Variants in SNX29 observed in about 807,000 individuals in gnomAD.
The protein encoded by SNX29 is sorting nexin 29.
A neutral mutation model predicts 102.1 loss-of-function variants in SNX29; 78 were observed. That is an observed-to-expected ratio of 0.76 (90% CI 0.64 to 0.92). The LOEUF is 0.92. SNX29 is among the 40% of genes least tolerant of loss of function. The pLI is 0.00. For synonymous variants in SNX29, 580 were observed against 414.5 expected (o/e 1.40, Z -4.85); for missense variants, 1,280 against 1,061.7 (o/e 1.21, Z -2.86).
intron 16 of SNX29, among the ~76,000 whole-genome samples, chr16:12,363,456 T>G (rs374631056): frequency 1.3e-5 from 2 of 152,156 alleles, no homozygotes; most frequent in Non-Finnish European, 2.9e-5. Flanking sequence ...CTGTCTACTT[T>G]AGGTGGAAAC....
intron 20 of SNX29, 61 bp from the exon 21 acceptor site, chr16:12,568,445 G>T: frequency 1.3e-6 from 2 of 1,594,888 alleles, no homozygotes; most frequent in Non-Finnish European, 1.7e-6. Context: ...TCCCCTTCCT[G>T]GCCTGTGGTC....
intron 16 of SNX29, among the ~76,000 whole-genome samples, chr16:12,397,168 C>T (rs542846104): frequency 6.6e-6 from 1 of 152,366 alleles, no homozygotes; most frequent in East Asian, 1.9e-4. Context: ...GCTGGAGTTA[C>T]AGGCATGAGC....
chr16:12,522,170 A>G (rs1265272114), intron 19 of SNX29, among the ~76,000 whole-genome samples: 1 of 152,204 alleles, frequency 6.6e-6, no homozygotes, highest in Non-Finnish European at 1.5e-5. Flanking sequence ...GTTCAGATAA[A>G]CCAATAATTT....
intron 5 of SNX29, among the ~76,000 whole-genome samples, chr16:12,043,332 A>G (rs2049961923): frequency 6.6e-6 from 1 of 151,646 alleles, no homozygotes; most frequent in Admixed American, 6.6e-5. Flanking sequence ...GTCTTAGGAC[A>G]TAGCTTCCTC....
In SNX29 at chr16:12,431,547, T is replaced by G. The variant is rs143339801; in HGVS notation, c.2037+28018T>G. ...GTCTAATGAAAAAAGTCAGCTCTGA[T>G]AGAACACATCAAAAAGTGAAATAAA... is the stretch of plus-strand genomic sequence containing the variant. On this transcript the variant is annotated intron_variant, in intron 18 of 20. Transcript: ENST00000566228. Among the ~76,000 whole-genome samples, 1,085 of 151,914 alleles carry G rather than the reference T, an allele frequency of 7.1e-3. 13 individuals carry two copies. The highest frequency in any genetic ancestry group is 0.025 in the African/African-American group (1,035 of 41,398).
chr16:12,529,427 T>TC (rs1379825697), intron 20 of SNX29, among the ~76,000 whole-genome samples: 4 of 152,192 alleles, frequency 2.6e-5, no homozygotes, highest in Non-Finnish European at 5.9e-5. Context: ...AGGCTCGGAC[T>TC]CCAAGAATTC....
At chr16:12,555,558 C>T (rs76067455) in intron 20 of SNX29, among the ~76,000 whole-genome samples, 3,268 of 150,766 alleles carry the variant, frequency 0.022, 256 homozygotes, top group East Asian at 0.17. Flanking sequence ...TGGGTTTGAG[C>T]ACCCTCATCT....
intron 20 of SNX29, among the ~76,000 whole-genome samples, chr16:12,544,630 C>T (rs376141946): frequency 1.5e-4 from 23 of 152,302 alleles, no homozygotes; most frequent in South Asian, 4.2e-4. Context: ...GCCTTGGGAT[C>T]GGCAGGTTCA....
chr16:12,028,741 T>A lies in SNX29; in HGVS notation c.247+1297T>A, dbSNP rs575199618. ...ATAATATTTGTACATATGTATGGGG[T>A]ACCTGTGATTTTTTATTTTTTATTG... On this transcript the variant is annotated intron_variant, in intron 4 of 20. Coordinates refer to ENST00000566228, the MANE Select transcript of SNX29 (RefSeq NM_032167.5). Among the ~76,000 whole-genome samples the A allele has an allele frequency of 9.2e-5, 14 of 152,160 alleles. No homozygotes were observed. The South Asian group carries it at 2.9e-3, about 32-fold the overall frequency.
At chr16:12,038,964 CT>C (rs1318682436) in intron 4 of SNX29, among the ~76,000 whole-genome samples, 1 of 152,174 alleles carries the variant, frequency 6.6e-6, no homozygotes, top group Non-Finnish European at 1.5e-5. Context: ...GTGGAGTAGA[CT>C]GATCGGATGA....
At chr16:12,030,765 C>A (rs749531971) in intron 4 of SNX29, among the ~76,000 whole-genome samples, 1 of 152,198 alleles carries the variant, frequency 6.6e-6, no homozygotes, top group Non-Finnish European at 1.5e-5. Context: ...AGTGCGTGAT[C>A]TGGCTTCTTG....
intron 11 of SNX29, among the ~76,000 whole-genome samples, chr16:12,110,383 G>A (rs745699726): frequency 6.6e-6 from 1 of 152,126 alleles, no homozygotes; most frequent in African/African-American, 2.4e-5. Context: ...TCTGAAGGTG[G>A]AACTTAGAAC....
At chr16:12,267,880 C>A (rs759297645) in intron 14 of SNX29, among the ~76,000 whole-genome samples, 34 of 152,180 alleles carry the variant, frequency 2.2e-4, no homozygotes, top group Non-Finnish European at 1.2e-4. Context: ...GAATAAAATA[C>A]CATAGCCTGC....
chr16:12,284,856 C>T (rs1161181324), intron 15 of SNX29, among the ~76,000 whole-genome samples: 1 of 152,042 alleles, frequency 6.6e-6, no homozygotes, highest in African/African-American at 2.4e-5. Context: ...TCCCGAGTAG[C>T]TGAGATTACA....
At chr16:12,179,511 C>T (rs181540273) in intron 13 of SNX29, among the ~76,000 whole-genome samples, 1 of 152,312 alleles carries the variant, frequency 6.6e-6, no homozygotes, top group Admixed American at 6.5e-5. Context: ...CATATGTTTC[C>T]CTGTTTTCTT....
rs147306248 is a variant in SNX29, at chr16:12,519,338, A to T, written c.2179-5364A>T. ...GTCCAGTCTGAACAGTATTGCATTCAACCTATTAAAGAATGGATAAAGAGG... is the reference window on the plus strand; with the variant it reads ...GTCCAGTCTGAACAGTATTGCATTCTACCTATTAAAGAATGGATAAAGAGG... On this transcript the variant is annotated intron_variant, in intron 19 of 20. Transcript: ENST00000566228. Among the ~76,000 whole-genome samples, 582 of 152,330 alleles carry T rather than the reference A, an allele frequency of 3.8e-3. 4 individuals are homozygous for T. The highest frequency in any genetic ancestry group is 0.013 in the African/African-American group (561 of 41,576).
intron 20 of SNX29, 98 bp from the exon 21 acceptor site, chr16:12,568,408 C>G (rs972681367): frequency 1.7e-5 from 26 of 1,502,822 alleles, no homozygotes; most frequent in East Asian, 2.3e-5. Flanking sequence ...AGTTGCCAAT[C>G]AGATCCCTCC....
At chr16:12,156,073 C>A (rs924382612) in intron 13 of SNX29, among the ~76,000 whole-genome samples, 1 of 152,096 alleles carries the variant, frequency 6.6e-6, no homozygotes, top group African/African-American at 2.4e-5. Flanking sequence ...GTGGCGCACA[C>A]CCCCCCACAT....
intron 18 of SNX29, among the ~76,000 whole-genome samples, chr16:12,417,264 C>G (rs2084674082): frequency 6.6e-6 from 1 of 152,232 alleles, no homozygotes; most frequent in Non-Finnish European, 1.5e-5. Flanking sequence ...GTGTGTACCT[C>G]TTGGCACACT....
Sources: gnomAD v4.1 joint callset for allele counts (sites outside exome capture counted in the v4.1 genomes callset) on GRCh38, gnomAD v4.1.1 for gene constraint, MANE v1.5 for transcripts, NCBI Gene and HGNC (gene_info 2026-07-23, HGNC 2026-07-21) for gene names.